Variants in TBCK observed in about 807,000 individuals in gnomAD.
TBCK encodes TBC domain-containing protein kinase-like protein.
In TBCK, 99 loss-of-function variants were observed where a neutral mutation model predicts 113.4. The ratio of observed to expected loss-of-function variants is 0.87; its 90% confidence interval spans 0.74 to 1.03. The LOEUF (loss-of-function observed/expected upper bound fraction) is 1.03. Ranked by LOEUF, TBCK falls within the 50% of genes least tolerant of loss-of-function variation. TBCK has a pLI of 0.00. For missense variants in TBCK, 1,045 were observed against 1,061.3 expected (o/e 0.98, Z 0.21); for synonymous variants, 369 against 370.8 (o/e 1.00, Z 0.05).
At chr4:106,229,513 G>T (rs1331971801) in intron 19 of TBCK, among the ~76,000 whole-genome samples, 1 of 151,928 alleles carries the variant, frequency 6.6e-6, no homozygotes, top group Non-Finnish European at 1.5e-5. Context: ...TAAGAACAGT[G>T]AATGTTCTTG....
intron 25 of TBCK, among the ~76,000 whole-genome samples, chr4:106,091,041 A>G (rs1430390349): frequency 6.6e-6 from 1 of 152,144 alleles, no homozygotes; most frequent in African/African-American, 2.4e-5. Flanking sequence ...TCCTGGTACC[A>G]ATTATCTGTG....
chr4:106,250,428 C>A lies in TBCK; in HGVS notation c.648G>T (p.Leu216Phe). Residue 216 changes from leucine to phenylalanine, a missense_variant, in exon 7 of 26, where the codon TTG (leucine) becomes TTT (phenylalanine). Transcript: ENST00000394708. ...TTGTACGACACTTACCCAAAGTAAG[C>A]AAAAATTTTAGTCTTTCAGAAATAT... Reference protein sequence around the residue: ...SLDISERLKFLLTLDCVDDTL... With the variant: ...SLDISERLKFFLTLDCVDDTL... 2 of 1,564,690 alleles carry A rather than the reference C, an allele frequency of 1.3e-6. No individual in the cohort carries two copies. The highest frequency in any genetic ancestry group is 2.4e-5 in the South Asian group (2 of 85,014).
At chr4:106,121,102 C>T (rs1158657733) in intron 23 of TBCK, among the ~76,000 whole-genome samples, 1 of 152,084 alleles carries the variant, frequency 6.6e-6, no homozygotes, top group Non-Finnish European at 1.5e-5. Flanking sequence ...TAGAATAACC[C>T]ATCAGTGTGC....
chr4:106,275,648 ATAAAAC>A (rs1417576828), intron 3 of TBCK, among the ~76,000 whole-genome samples: 1 of 152,186 alleles, frequency 6.6e-6, no homozygotes, highest in African/African-American at 2.4e-5. Flanking sequence ...CAATTGGAAA[ATAAAAC>A]TAAATTTTAC....
At chr4:106,196,351 A>G (rs1038631626) in intron 20 of TBCK, among the ~76,000 whole-genome samples, 1 of 151,940 alleles carries the variant, frequency 6.6e-6, no homozygotes, top group Non-Finnish European at 1.5e-5. Flanking sequence ...TTACTGAAAA[A>G]GCACTAATTT....
intron 20 of TBCK, among the ~76,000 whole-genome samples, chr4:106,209,149 A>C (rs1755848479): frequency 6.6e-6 from 1 of 152,228 alleles, no homozygotes. Context: ...CTTTCTTAAT[A>C]ACACTACAAT....
At chr4:106,176,661 C>A (rs1030378708) in intron 22 of TBCK, among the ~76,000 whole-genome samples, 5 of 151,872 alleles carry the variant, frequency 3.3e-5, no homozygotes, top group African/African-American at 9.7e-5. Flanking sequence ...GACATCTCTG[C>A]GATATCCTGA....
At chr4:106,292,169 T>C (rs1765791053) in intron 3 of TBCK, among the ~76,000 whole-genome samples, 1 of 152,186 alleles carries the variant, frequency 6.6e-6, no homozygotes, top group Non-Finnish European at 1.5e-5. Flanking sequence ...CTTCTAAATG[T>C]GAGTCTATGC....
intron 2 of TBCK, among the ~76,000 whole-genome samples, chr4:106,303,021 C>T (rs1490048392): frequency 6.6e-6 from 1 of 152,190 alleles, no homozygotes; most frequent in African/African-American, 2.4e-5. Flanking sequence ...ATAGTTACCA[C>T]TAGTCTTCAC....
chr4:106,193,727 T>C lies in TBCK; in HGVS notation c.1941A>G (p.Leu647=), dbSNP rs752148287. ...ATGGGAAAGAGGAATTCCCAAGTAG[T>C]AAGGTATCCCAGAGGTGGAAAATTT... ...LHKIFHLWDT[L]LLGNSSFPFC... The change falls in exon 22 of 26, where the codon TTA becomes TTG. Residue 647 remains leucine, a synonymous_variant. Coordinates refer to ENST00000394708, the MANE Select transcript of TBCK (RefSeq NM_001163435.3). The C allele has an allele frequency of 1.2e-6, 2 of 1,607,948 alleles. No individual in the cohort carries two copies. The highest frequency in any genetic ancestry group is 4.5e-5 in the East Asian group (2 of 44,764).
chr4:106,048,823 G>T (rs1734489846), intron 25 of TBCK, among the ~76,000 whole-genome samples: 5 of 152,082 alleles, frequency 3.3e-5, no homozygotes, highest in Admixed American at 2.0e-4. Context: ...TTATTGTAAG[G>T]AAGTCCCTAA....
At position 106,045,774 on chromosome 4, in the gene TBCK, G is replaced by A. The variant is rs577520718; in HGVS notation, c.*796C>T. 1 of 152,168 alleles carries A rather than the reference G, an allele frequency of 6.6e-6. No homozygotes were observed. Among genetic ancestry groups the A allele is most frequent in the East Asian group, 1.9e-4 (1 of 5,170 alleles). The allele number at this position is 152,168 out of a possible 1,614,324, so 9.4% of individuals were successfully genotyped here. ...TAGCAGATGTGATGGTAGAAGCTGA[G>A]GAGCCATTTTCATCCATGAGATGGA... is the stretch of plus-strand genomic sequence containing the variant. On this transcript the variant is annotated 3_prime_UTR_variant, in exon 26 of 26. Coordinates refer to ENST00000394708, the MANE Select transcript of TBCK (RefSeq NM_001163435.3).
intron 23 of TBCK, among the ~76,000 whole-genome samples, chr4:106,154,291 G>GATA (rs1289591331): frequency 3.0e-4 from 45 of 152,032 alleles, no homozygotes; most frequent in Admixed American, 5.9e-4. Flanking sequence ...ATTTTAAGCT[G>GATA]ATAATATTAA....
Position 106,068,364 on chromosome 4 carries a change from A to G in TBCK, c.2572-21684T>C, listed in dbSNP as rs376118405. Among the ~76,000 whole-genome samples the G allele has an allele frequency of 2.0e-5, 3 of 151,394 alleles. No individual in the cohort carries two copies. In the East Asian group the frequency reaches 5.8e-4, roughly 30 times the overall value. ...CCCTGCCCTGTGTCCAAGTGTTCTC[A>G]TTGTTCAATTCCCACCTATGAGTGA... On this transcript the variant is annotated intron_variant, in intron 25 of 25. Transcript: ENST00000394708.
intron 23 of TBCK, among the ~76,000 whole-genome samples, chr4:106,166,379 A>T (rs1750371878): frequency 1.3e-5 from 2 of 151,966 alleles, no homozygotes; most frequent in South Asian, 4.1e-4. Flanking sequence ...TTTTTCAGAC[A>T]AGTTTCCTCA....
chr4:106,119,531 T>C (rs1488812571), intron 23 of TBCK, among the ~76,000 whole-genome samples: 1 of 152,108 alleles, frequency 6.6e-6, no homozygotes, highest in East Asian at 1.9e-4. Flanking sequence ...ATTAAAGACT[T>C]GAATATAAGA....
chr4:106,277,230 G>A (rs1387214946), intron 3 of TBCK, among the ~76,000 whole-genome samples: 2 of 152,194 alleles, frequency 1.3e-5, no homozygotes, highest in East Asian at 3.9e-4. Context: ...ATATATTGTT[G>A]GTGAAAATAT....
intron 23 of TBCK, among the ~76,000 whole-genome samples, chr4:106,130,211 A>G (rs1206530841): frequency 1.3e-5 from 2 of 152,350 alleles, no homozygotes; most frequent in East Asian, 1.9e-4. Context: ...ATAAATCAAC[A>G]TTAACTTCTG....
intron 23 of TBCK, among the ~76,000 whole-genome samples, chr4:106,116,982 C>G (rs1308965400): frequency 6.6e-6 from 1 of 151,770 alleles, no homozygotes; most frequent in Admixed American, 6.6e-5. Flanking sequence ...ATCCCCCCCC[C>G]ATCTCAAACC....
Sources: gnomAD v4.1 joint callset for allele counts (sites outside exome capture counted in the v4.1 genomes callset) on GRCh38, gnomAD v4.1.1 for gene constraint, MANE v1.5 for transcripts, NCBI Gene and HGNC (gene_info 2026-07-23, HGNC 2026-07-21) for gene names.